The following EPC2 variants were observed in gnomAD, a reference collection of about 807,000 sequenced individuals.
The protein encoded by EPC2 is enhancer of polycomb 2.
EPC2 carries 14 observed loss-of-function variants against 92.1 expected under a neutral mutation model. The observed-to-expected ratio is 0.15, with a 90% CI of 0.10 to 0.24. The LOEUF is 0.24. Ranked by LOEUF, EPC2 falls within the 10% of genes least tolerant of loss-of-function variation. The probability of loss-of-function intolerance (pLI) is 1.00; values close to 1 mark genes in which losing one functional copy is unlikely to be tolerated. For missense variants in EPC2, 755 were observed against 971.5 expected, an observed-to-expected ratio of 0.78 and a Z score of 2.96; for synonymous variants, 340 against 334.7, an observed-to-expected ratio of 1.02 and a Z score of -0.17.
chr2:148,709,181 A>G (rs561946432), intron 2 of EPC2, among the ~76,000 whole-genome samples: 53 of 152,292 alleles, frequency 3.5e-4, no homozygotes, highest in Middle Eastern at 6.8e-3. Flanking sequence ...AAAAATCACA[A>G]GCATTCTTAT....
At chr2:148,689,394 G>A (rs1681599446) in intron 1 of EPC2, among the ~76,000 whole-genome samples, 1 of 152,060 alleles carries the variant, frequency 6.6e-6, no homozygotes, top group African/African-American at 2.4e-5. Context: ...TAGCCAGGAT[G>A]GTTTCGATCT....
intron 2 of EPC2, among the ~76,000 whole-genome samples, chr2:148,695,707 T>C (rs1441188917): frequency 6.6e-6 from 1 of 152,244 alleles, no homozygotes; most frequent in Non-Finnish European, 1.5e-5. Flanking sequence ...TTGTTTTGTT[T>C]ATACAGTAAG....
intron 2 of EPC2, among the ~76,000 whole-genome samples, chr2:148,742,411 C>T (rs1450764840): frequency 6.6e-6 from 1 of 152,126 alleles, no homozygotes; most frequent in Non-Finnish European, 1.5e-5. Flanking sequence ...GTATATTTAT[C>T]AATCTATCAC....
chr2:148,652,414 C>G (rs1680704883), intron 1 of EPC2, among the ~76,000 whole-genome samples: 1 of 152,130 alleles, frequency 6.6e-6, no homozygotes, highest in African/African-American at 2.4e-5. Context: ...GAATCAAAGA[C>G]TGTAAAAGAA....
intron 2 of EPC2, among the ~76,000 whole-genome samples, chr2:148,727,061 G>A (rs930448965): frequency 2.0e-5 from 3 of 151,802 alleles, no homozygotes; most frequent in Non-Finnish European, 4.4e-5. Context: ...TTATAATTTT[G>A]TGTCTTACAT....
At chr2:148,751,297 G>A (rs1683079489) in intron 3 of EPC2, among the ~76,000 whole-genome samples, 2 of 151,998 alleles carry the variant, frequency 1.3e-5, no homozygotes, top group Admixed American at 1.3e-4. Flanking sequence ...TTGATTAACA[G>A]ACTAAGTGGT....
At chr2:148,688,400 C>A (rs1351278995) in intron 1 of EPC2, among the ~76,000 whole-genome samples, 1 of 151,682 alleles carries the variant, frequency 6.6e-6, no homozygotes, top group Non-Finnish European at 1.5e-5. Context: ...TCACACACAC[C>A]AGGGCCTGTT....
chr2:148,736,592 T>G (rs975334380), intron 2 of EPC2, among the ~76,000 whole-genome samples: 5 of 152,100 alleles, frequency 3.3e-5, no homozygotes, highest in Non-Finnish European at 7.3e-5. Flanking sequence ...CTTAAAAAAT[T>G]TTGAGATAAA....
At chr2:148,667,145 A>G (rs1681071187) in intron 1 of EPC2, among the ~76,000 whole-genome samples, 1 of 152,210 alleles carries the variant, frequency 6.6e-6, no homozygotes, top group Non-Finnish European at 1.5e-5. Context: ...TACCAGTAGG[A>G]TGGGCCACGT....
chr2:148,754,918 A>G (rs575604395), intron 4 of EPC2, among the ~76,000 whole-genome samples: 32 of 152,346 alleles, frequency 2.1e-4, no homozygotes, highest in African/African-American at 7.5e-4. Flanking sequence ...AGTTAACACC[A>G]CACACAGTAG....
chr2:148,708,599 A>T (rs1310702350), intron 2 of EPC2, among the ~76,000 whole-genome samples: 1 of 152,210 alleles, frequency 6.6e-6, no homozygotes, highest in East Asian at 1.9e-4. Context: ...TCCTCAATAA[A>T]ATACTGGCAA....
intron 1 of EPC2, among the ~76,000 whole-genome samples, chr2:148,675,003 T>G (rs1259957793): frequency 6.6e-6 from 1 of 152,242 alleles, no homozygotes; most frequent in East Asian, 1.9e-4. Context: ...GTTTTGTTCT[T>G]TAGGAACTCT....
intron 2 of EPC2, among the ~76,000 whole-genome samples, chr2:148,712,335 A>C (rs1387387002): frequency 6.6e-6 from 1 of 152,078 alleles, no homozygotes; most frequent in African/African-American, 2.4e-5. Context: ...ATAATGCTTC[A>C]CAGGTTGTAC....
At chr2:148,666,527 A>G (rs139802142) in intron 1 of EPC2, among the ~76,000 whole-genome samples, 120 of 152,384 alleles carry the variant, frequency 7.9e-4, no homozygotes, top group Non-Finnish European at 1.4e-3. Context: ...AAAATTAAAG[A>G]TATAGAAAAT....
In EPC2 at chr2:148,664,440, G is replaced by A. The variant is rs965535432; in HGVS notation, c.153+19270G>A. ...TTGAGCCTTGGAGGTCAAGGCTGCA[G>A]TGAGTTGTGATCGCACCGCTGTCCT... is the stretch of plus-strand genomic sequence containing the variant. On this transcript the variant is annotated intron_variant, in intron 1 of 13. Transcript: ENST00000258484. Among the ~76,000 whole-genome samples the A allele has an allele frequency of 1.9e-4, 29 of 152,316 alleles. 1 individual carries two copies. The highest frequency in any genetic ancestry group is 1.2e-3 in the South Asian group (6 of 4,826).
intron 1 of EPC2, among the ~76,000 whole-genome samples, chr2:148,669,086 CT>C (rs1169975396): frequency 6.6e-6 from 1 of 151,988 alleles, no homozygotes; most frequent in Non-Finnish European, 1.5e-5. Context: ...ATTTATTTCT[CT>C]TTTGATTTCT....
At chr2:148,701,003 TAA>T (rs1158453975) in intron 2 of EPC2, among the ~76,000 whole-genome samples, 3 of 152,202 alleles carry the variant, frequency 2.0e-5, no homozygotes, top group Admixed American at 6.5e-5. Context: ...GATTGATACT[TAA>T]GTGTCTTTTT....
chr2:148,645,817 G>A lies in EPC2; in HGVS notation c.153+647G>A, dbSNP rs572116825. On this transcript the variant is annotated intron_variant, in intron 1 of 13. Coordinates refer to ENST00000258484, the MANE Select transcript of EPC2 (RefSeq NM_015630.4). ...CCCGAGCCGGGCGCGGGGCGGACGG[G>A]CTCTGCCTGCTCCGCCTGGACGGCC... Among the ~76,000 whole-genome samples, 780 of 152,280 alleles carry A rather than the reference G, an allele frequency of 5.1e-3. 8 individuals carry two copies. The highest frequency in any genetic ancestry group is 0.018 in the African/African-American group (746 of 41,558).
At chr2:148,703,892 A>G (rs1344086154) in intron 2 of EPC2, among the ~76,000 whole-genome samples, 1 of 152,214 alleles carries the variant, frequency 6.6e-6, no homozygotes. Flanking sequence ...GCTACTATCA[A>G]AAACAGAAAA....
Sources: allele counts gnomAD v4.1 joint callset (sites outside exome capture counted in the v4.1 genomes callset), GRCh38; gene constraint gnomAD v4.1.1; transcripts MANE v1.5; gene names NCBI Gene and HGNC (gene_info 2026-07-23, HGNC 2026-07-21).